The following MAST4 variants were observed in gnomAD, a reference collection of about 807,000 sequenced individuals.
MAST4 encodes microtubule-associated serine/threonine-protein kinase 4.
A neutral mutation model predicts 162.7 loss-of-function variants in MAST4; 89 were observed. The observed-to-expected ratio is 0.55, with a 90% CI of 0.46 to 0.65. The LOEUF is 0.65. MAST4 is among the 30% of genes least tolerant of loss of function. MAST4 has a pLI of 0.00. For synonymous variants in MAST4, 1,479 were observed against 1,361.1 expected (o/e 1.09, Z -1.91); for missense variants, 3,153 against 3,374.0 (o/e 0.93, Z 1.62).
At chr5:67,069,582 A>G (rs868491244) in intron 5 of MAST4, among the ~76,000 whole-genome samples, 15 of 152,144 alleles carry the variant, frequency 9.9e-5, no homozygotes, top group South Asian at 8.3e-4. Context: ...TGTTCTGGAT[A>G]TGCACTCCGC....
At chr5:67,149,951 TA>T (rs1771597362) in intron 24 of MAST4, among the ~76,000 whole-genome samples, 1 of 152,240 alleles carries the variant, frequency 6.6e-6, no homozygotes, top group African/African-American at 2.4e-5. Context: ...ATGTATAATT[TA>T]TACACTTTAT....
At chr5:66,872,589 C>A (rs747934666) in intron 3 of MAST4, among the ~76,000 whole-genome samples, 1 of 152,144 alleles carries the variant, frequency 6.6e-6, no homozygotes, top group Admixed American at 6.5e-5. Flanking sequence ...CCCTTCCCGC[C>A]GAGCCGCAGA....
intron 4 of MAST4, chr5:66,964,071 G>A (rs902401889): frequency 3.4e-6 from 2 of 588,518 alleles, no homozygotes; most frequent in African/African-American, 3.7e-5. Flanking sequence ...TGTAAGTTTT[G>A]ATCAATATAA....
chr5:67,166,702 C>G lies in MAST4; in HGVS notation c.7523C>G (p.Ala2508Gly), dbSNP rs1364247286. 1 of 1,588,184 alleles carries G rather than the reference C, an allele frequency of 6.3e-7. No homozygotes were observed. Among genetic ancestry groups the G allele is most frequent in the African/African-American group, 1.3e-5 (1 of 74,308 alleles). Residue 2508 changes from alanine (A) to glycine (G), a missense_variant, in exon 29 of 29, where the codon GCC (alanine) becomes GGC (glycine). Coordinates refer to ENST00000403625, the MANE Select transcript of MAST4 (RefSeq NM_001164664.2). Reference protein sequence around the residue: ...SNRDHRKAQPAGEGRTHMTKS... With the variant: ...SNRDHRKAQPGGEGRTHMTKS... ...AGGGACCATAGGAAGGCTCAGCCTG[C>G]CGGGGAGGGCCGAACCCACATGACA... is the stretch of plus-strand genomic sequence containing the variant.
intron 3 of MAST4, among the ~76,000 whole-genome samples, chr5:66,809,509 A>G (rs1367907882): frequency 6.6e-6 from 1 of 152,170 alleles, no homozygotes; most frequent in African/African-American, 2.4e-5. Flanking sequence ...TTTTCACAGT[A>G]GCTTTTTAAA....
chr5:66,864,272 T>C (rs2149847605), intron 3 of MAST4, among the ~76,000 whole-genome samples: 1 of 152,318 alleles, frequency 6.6e-6, no homozygotes, highest in South Asian at 2.1e-4. Context: ...CATTCCTGAA[T>C]GAAGCATGGG....
At chr5:66,767,170 C>CTGTGTGTGTGT (rs1554050620) in intron 2 of MAST4, among the ~76,000 whole-genome samples, 11 of 139,482 alleles carry the variant, frequency 7.9e-5, no homozygotes, top group African/African-American at 3.0e-4. Flanking sequence ...GTAAAGTGCA[C>CTGTGTGTGTGT]GTGTGTGTGT....
At chr5:66,897,338 A>T (rs1282871361) in intron 3 of MAST4, among the ~76,000 whole-genome samples, 2 of 152,172 alleles carry the variant, frequency 1.3e-5, no homozygotes, top group African/African-American at 2.4e-5. Flanking sequence ...AAATAAAATG[A>T]GGACACATAC....
chr5:67,128,531 A>T (rs1279897203), intron 14 of MAST4, among the ~76,000 whole-genome samples: 2 of 152,238 alleles, frequency 1.3e-5, no homozygotes, highest in Non-Finnish European at 2.9e-5. Flanking sequence ...TAGATGTGTG[A>T]TTTGCCGAAT....
chr5:67,022,664 A>G (rs1221174852), intron 4 of MAST4, among the ~76,000 whole-genome samples: 1 of 152,168 alleles, frequency 6.6e-6, no homozygotes, highest in Non-Finnish European at 1.5e-5. Flanking sequence ...ACAATTGAAT[A>G]TTTTTGTTTA....
At chr5:66,740,425 T>A (rs748346359) in intron 1 of MAST4, among the ~76,000 whole-genome samples, 5 of 152,228 alleles carry the variant, frequency 3.3e-5, no homozygotes, top group Non-Finnish European at 7.3e-5. Context: ...CAGGTCCACA[T>A]GGAAAATGCT....
chr5:67,124,652 C>A (rs1285325014), intron 14 of MAST4, among the ~76,000 whole-genome samples: 4 of 152,174 alleles, frequency 2.6e-5, no homozygotes, highest in African/African-American at 9.7e-5. Flanking sequence ...GTGACTTGAT[C>A]AAGATATGCA....
intron 4 of MAST4, among the ~76,000 whole-genome samples, chr5:67,034,790 C>T (rs372012584): frequency 1.3e-5 from 2 of 152,194 alleles, no homozygotes; most frequent in Non-Finnish European, 1.5e-5. Flanking sequence ...GAAAAGATGA[C>T]GTCTGTGGAA....
At position 66,788,788 on chromosome 5, in the gene MAST4, C is replaced by A. The variant is rs1755243243; in HGVS notation, c.636C>A (p.Ala212=). ...ALGQSAPSLT[A]SLKELSLPRR... is the part of the protein sequence containing the mutation. The stretch of plus-strand genomic sequence containing the variant: ...GCCAGTCGGCGCCCTCGCTCACCGC[C>A]AGCCTGGTGAGTGTCCGCGGGCGCC... Residue 212 remains alanine, a synonymous_variant, in exon 3 of 29, where the codon GCC becomes GCA. Coordinates refer to ENST00000403625, the MANE Select transcript of MAST4 (RefSeq NM_001164664.2). The A allele has an allele frequency of 3.8e-6, 6 of 1,583,824 alleles. No individual in the cohort carries two copies. Among genetic ancestry groups the A allele is most frequent in the Non-Finnish European group, 4.3e-6 (5 of 1,165,610 alleles).
chr5:66,930,036 T>C (rs970783086), intron 4 of MAST4, among the ~76,000 whole-genome samples: 2 of 152,156 alleles, frequency 1.3e-5, no homozygotes, highest in Admixed American at 6.5e-5. Flanking sequence ...GTAGATGATA[T>C]AGTATGTTCA....
chr5:67,131,994 A>G (rs1769026227), intron 16 of MAST4, 43 bp downstream of exon 16: 2 of 1,585,304 alleles, frequency 1.3e-6, no homozygotes, highest in Non-Finnish European at 8.6e-7. Context: ...TGCCCAATAC[A>G]AAGTTCTCGT....
chr5:67,130,393 G>A lies in MAST4; in HGVS notation c.1929G>A (p.Leu643=). ...MYCSFETRRH[L]CMVMEYVEGG... The stretch of plus-strand genomic sequence containing the variant: ...GCTCCTTTGAAACAAGGCGCCACTT[G>A]TGCATGGTCATGGAATATGTGGAAG... The change falls in exon 15 of 29, where the codon TTG becomes TTA. Residue 643 remains leucine (L), a synonymous_variant. Coordinates refer to ENST00000403625, the MANE Select transcript of MAST4 (RefSeq NM_001164664.2). 6.2e-7 allele frequency: 1 copy of A among 1,613,928 alleles called. No homozygotes were observed. The highest frequency in any genetic ancestry group is 8.5e-7 in the Non-Finnish European group (1 of 1,179,858).
intron 1 of MAST4, among the ~76,000 whole-genome samples, chr5:66,755,195 A>G (rs1341737936): frequency 2.0e-5 from 3 of 152,164 alleles, no homozygotes; most frequent in Non-Finnish European, 4.4e-5. Context: ...TCTTGGGTGT[A>G]TTTTGGAAGT....
chr5:67,090,951 C>T (rs185815958), intron 6 of MAST4, among the ~76,000 whole-genome samples: 10 of 152,004 alleles, frequency 6.6e-5, no homozygotes, highest in Non-Finnish European at 1.5e-4. Flanking sequence ...ATAGCTTGTC[C>T]TCCTCTGCCC....
Sources: gnomAD v4.1 joint callset for allele counts (sites outside exome capture counted in the v4.1 genomes callset) on GRCh38, gnomAD v4.1.1 for gene constraint, MANE v1.5 for transcripts, NCBI Gene and HGNC (gene_info 2026-07-23, HGNC 2026-07-21) for gene names.